ZNF644: variants seen among roughly 807,000 people sequenced by gnomAD.
ZNF644 encodes zinc finger motif enhancer binding protein 2.
ZNF644 carries 20 observed loss-of-function variants against 108.0 expected under a neutral mutation model. That is an observed-to-expected ratio of 0.19 (90% CI 0.13 to 0.27). The LOEUF is 0.27. Ranked by LOEUF, ZNF644 falls within the 10% of genes least tolerant of loss-of-function variation. The probability of loss-of-function intolerance (pLI) is 1.00; values close to 1 mark genes in which losing one functional copy is unlikely to be tolerated. For synonymous variants in ZNF644, 542 were observed against 539.1 expected (o/e 1.01, Z -0.08); for missense variants, 1,338 against 1,548.9 (o/e 0.86, Z 2.29).
At chr1:90,921,636 A>G (rs960510122) in intron 4 of ZNF644, among the ~76,000 whole-genome samples, 2 of 152,108 alleles carry the variant, frequency 1.3e-5, no homozygotes, top group African/African-American at 4.8e-5. Context: ...AATTTCAACC[A>G]AAAGACTGTT....
chr1:90,939,707 C>G lies in ZNF644; in HGVS notation c.1647G>C (p.Gly549=). ...ELECHRGIAH[G]AVVKCPMVTS... ...TGACCATAGGGCATTTTACCACTGC[C>G]CCATGTGCAATGCCTCGATGGCATT... The change falls in exon 3 of 6, where the codon GGG becomes GGC. Residue 549 remains glycine, a synonymous_variant. Coordinates refer to ENST00000337393, the MANE Select transcript of ZNF644 (RefSeq NM_201269.3). 6.2e-7 allele frequency: 1 copy of G among 1,613,986 alleles called. No homozygotes were observed. The highest frequency in any genetic ancestry group is 8.5e-7 in the Non-Finnish European group (1 of 1,179,954).
At chr1:91,010,249 T>C (rs1659831704) in intron 1 of ZNF644, among the ~76,000 whole-genome samples, 1 of 149,980 alleles carries the variant, frequency 6.7e-6, no homozygotes, top group Non-Finnish European at 1.5e-5. Context: ...TTTTTTTTTT[T>C]TTTTTTCTGA....
chr1:90,972,245 A>T (rs1304267291), intron 2 of ZNF644, among the ~76,000 whole-genome samples: 1 of 152,244 alleles, frequency 6.6e-6, no homozygotes, highest in East Asian at 1.9e-4. Context: ...CATGTTATCT[A>T]ACAAGGGATT....
chr1:91,005,521 G>GT (rs765093883), intron 1 of ZNF644, among the ~76,000 whole-genome samples: 1 of 152,080 alleles, frequency 6.6e-6, no homozygotes, highest in Non-Finnish European at 1.5e-5. Context: ...TATGTACTAG[G>GT]TGTTAGGCCA....
intron 1 of ZNF644, chr1:91,020,594 C>G (rs891531941): frequency 6.6e-6 from 1 of 152,164 alleles, no homozygotes; most frequent in Non-Finnish European, 1.5e-5. Context: ...AGCAAGCCTA[C>G]CAAAATGCAA....
intron 5 of ZNF644, 87 bp from the exon 6 acceptor site, chr1:90,917,077 A>G: frequency 1.5e-6 from 2 of 1,358,334 alleles, no homozygotes; most frequent in East Asian, 2.4e-5. Flanking sequence ...TAAGGAATAA[A>G]CTTTATCATA....
chr1:90,983,525 T>G (rs369679857), intron 1 of ZNF644, among the ~76,000 whole-genome samples: 26 of 150,068 alleles, frequency 1.7e-4, no homozygotes, highest in African/African-American at 6.4e-4. Context: ...TAGATATGAT[T>G]AAATTAAGGA....
At chr1:90,978,652 A>T (rs1213705132) in intron 2 of ZNF644, among the ~76,000 whole-genome samples, 1 of 152,150 alleles carries the variant, frequency 6.6e-6, no homozygotes, top group African/African-American at 2.4e-5. Flanking sequence ...TGCCTATGTT[A>T]AATATTGAAG....
At chr1:90,931,827 A>AG (rs1326338821) in intron 4 of ZNF644, among the ~76,000 whole-genome samples, 2 of 152,150 alleles carry the variant, frequency 1.3e-5, no homozygotes, top group Non-Finnish European at 2.9e-5. Context: ...TTAAAAAAAA[A>AG]AGAACTTCTT....
At position 90,917,067 on chromosome 1, in the gene ZNF644, T is replaced by G. The variant is rs997254056; in HGVS notation, c.3792-77A>C. On this transcript the variant is annotated intron_variant, in intron 5 of 5. Coordinates refer to ENST00000337393, the MANE Select transcript of ZNF644 (RefSeq NM_201269.3). ...CTAATTCACACAAAATCCTAAAACA[T>G]AAGGAATAAACTTTATCATATTTTA... 2.1e-6 allele frequency: 3 copies of G among 1,429,410 alleles called. No individual in the cohort carries two copies. The African/African-American group carries it at 4.2e-5, about 20-fold the overall frequency. 88.5% of individuals were successfully genotyped at this position (1,429,410 alleles called of 1,614,324 possible).
chr1:90,989,745 T>C (rs1557637091), intron 1 of ZNF644, among the ~76,000 whole-genome samples: 1 of 152,210 alleles, frequency 6.6e-6, no homozygotes, highest in South Asian at 2.1e-4. Flanking sequence ...GCAGCCATTA[T>C]GAAAAACATG....
At chr1:90,990,278 C>A (rs1270541945) in intron 1 of ZNF644, among the ~76,000 whole-genome samples, 1 of 152,068 alleles carries the variant, frequency 6.6e-6, no homozygotes, top group Non-Finnish European at 1.5e-5. Context: ...TACTTAAAAA[C>A]AGTTAAGATG....
At chr1:91,006,102 T>G (rs1166396969) in intron 1 of ZNF644, among the ~76,000 whole-genome samples, 1 of 152,190 alleles carries the variant, frequency 6.6e-6, no homozygotes, top group Non-Finnish European at 1.5e-5. Context: ...AAAAGAACAC[T>G]ATGCAACTGT....
intron 1 of ZNF644, among the ~76,000 whole-genome samples, chr1:90,988,067 G>C (rs1173522910): frequency 3.3e-5 from 5 of 151,844 alleles, no homozygotes; most frequent in Admixed American, 6.6e-5. Context: ...AGAGCAATTA[G>C]ACAAGAAAAA....
At chr1:90,925,552 C>T (rs1853297) in intron 4 of ZNF644, among the ~76,000 whole-genome samples, 1,911 of 149,930 alleles carry the variant, frequency 0.013, 38 homozygotes, top group African/African-American at 0.044. Flanking sequence ...CAAACACAAA[C>T]ATTATAACTG....
intron 1 of ZNF644, among the ~76,000 whole-genome samples, chr1:90,982,629 A>T (rs13374989): frequency 0.013 from 2,001 of 151,904 alleles, 37 homozygotes; most frequent in African/African-American, 0.044. Flanking sequence ...TCTTTTTTTT[A>T]AAAAAAATTC....
chr1:90,971,753 T>G (rs1179633988), intron 2 of ZNF644, among the ~76,000 whole-genome samples: 1 of 152,026 alleles, frequency 6.6e-6, no homozygotes, highest in Non-Finnish European at 1.5e-5. Context: ...TGTACTAGAA[T>G]TCCTAGCCAG....
intron 1 of ZNF644, chr1:91,021,254 A>T (rs1660875349): frequency 1.3e-5 from 2 of 152,826 alleles, no homozygotes; most frequent in African/African-American, 4.8e-5. Flanking sequence ...TGGCAACCCA[A>T]ACACTTCGAG....
At chr1:90,946,822 G>A (rs1443089011) in intron 2 of ZNF644, among the ~76,000 whole-genome samples, 2 of 151,876 alleles carry the variant, frequency 1.3e-5, no homozygotes, top group African/African-American at 4.8e-5. Flanking sequence ...AAATTACACT[G>A]AACCTGTTGA....
Sources: gnomAD v4.1 joint callset for allele counts (sites outside exome capture counted in the v4.1 genomes callset) on GRCh38, gnomAD v4.1.1 for gene constraint, MANE v1.5 for transcripts, NCBI Gene and HGNC (gene_info 2026-07-23, HGNC 2026-07-21) for gene names.